Variants in BCL2L14 observed in about 807,000 individuals in gnomAD.
BCL2L14 encodes the protein BCL2 like 14.
Under a neutral mutation model 35.3 loss-of-function variants are expected in BCL2L14, and 27 were observed. The observed-to-expected ratio is 0.76, with a 90% confidence interval of 0.56 to 1.05. The LOEUF is 1.05. Among genes scored for constraint, BCL2L14 ranks in the 50% least tolerant of loss-of-function variants. BCL2L14 has a pLI of 0.00. For missense variants in BCL2L14, 377 were observed against 382.6 expected (o/e 0.99, Z 0.12); for synonymous variants, 139 against 145.9 (o/e 0.95, Z 0.34).
intron 2 of BCL2L14, among the ~76,000 whole-genome samples, chr12:12,061,157 T>C (rs192454976): frequency 1.4e-5 from 2 of 143,840 alleles, no homozygotes; most frequent in Non-Finnish European, 3.0e-5. Flanking sequence ...ACTGAGACAC[T>C]TTAACTAAAT....
upstream of BCL2L14, among the ~76,000 whole-genome samples, chr12:12,069,621 T>C (rs919232176): frequency 6.8e-6 from 1 of 146,670 alleles, no homozygotes; most frequent in Non-Finnish European, 1.5e-5. Flanking sequence ...GGCAGGAGAA[T>C]GGCGTGAACC....
intron 5 of BCL2L14, chr12:12,095,915 G>A: frequency 1.0e-6 from 1 of 985,350 alleles, no homozygotes; most frequent in Non-Finnish European, 1.2e-6. Flanking sequence ...ACCCTAAGTG[G>A]CTGATCTGAA....
At chr12:12,090,964 T>A (rs1052672064) in intron 4 of BCL2L14, 115 bp downstream of exon 4, 1 of 638,822 alleles carries the variant, frequency 1.6e-6, no homozygotes. Flanking sequence ...TGGTTTCTAC[T>A]TAGTCCTAAA....
At chr12:12,063,766 G>A (rs1948560471) in intron 2 of BCL2L14, among the ~76,000 whole-genome samples, 1 of 152,092 alleles carries the variant, frequency 6.6e-6, no homozygotes, top group Admixed American at 6.6e-5. Flanking sequence ...TGCCTTAACT[G>A]ATGACATTCC....
chr12:12,062,110 A>G (rs1449795868), intron 2 of BCL2L14, among the ~76,000 whole-genome samples: 9 of 151,520 alleles, frequency 5.9e-5, no homozygotes, highest in East Asian at 1.9e-4. Flanking sequence ...TACATTTCTC[A>G]TAACTTCCAA....
At chr12:12,055,251 C>T (rs1948414413) in intron 2 of BCL2L14, 1 of 152,170 alleles carries the variant, frequency 6.6e-6, no homozygotes, top group African/African-American at 2.4e-5. Context: ...TTTGTAATTA[C>T]AATTTCATCT....
intron 4 of BCL2L14, among the ~76,000 whole-genome samples, chr12:12,091,741 TAAAGA>T (rs1315806256): frequency 2.0e-5 from 3 of 152,038 alleles, no homozygotes; most frequent in South Asian, 2.1e-4. Context: ...GATATTAGGT[TAAAGA>T]AAAGAGAACG....
intron 2 of BCL2L14, among the ~76,000 whole-genome samples, chr12:12,059,495 G>A (rs558505883): frequency 1.7e-4 from 26 of 150,456 alleles, no homozygotes; most frequent in South Asian, 6.4e-4. Context: ...TCTGCTCCCC[G>A]ATCCCTTATT....
At chr12:12,095,484 C>G (rs889329146) in intron 5 of BCL2L14, 32 of 985,284 alleles carry the variant, frequency 3.2e-5, no homozygotes, top group Non-Finnish European at 3.9e-5. Flanking sequence ...AAACAGACCT[C>G]TTTCCCTTTT....
intron 4 of BCL2L14, 173 bp from the exon 5 acceptor site, chr12:12,094,491 T>C: frequency 6.3e-7 from 1 of 1,595,560 alleles, no homozygotes; most frequent in African/African-American, 1.3e-5. Context: ...GAGCAGTACA[T>C]GCCCATTCTG....
At chr12:12,083,128 C>T (rs1236287616) in intron 2 of BCL2L14, among the ~76,000 whole-genome samples, 1 of 152,152 alleles carries the variant, frequency 6.6e-6, no homozygotes, top group Non-Finnish European at 1.5e-5. Flanking sequence ...CCACGCCCGG[C>T]TAATTTTTTG....
intron 1 of BCL2L14, among the ~76,000 whole-genome samples, chr12:12,074,638 C>T (rs1383043376): frequency 6.6e-6 from 1 of 151,966 alleles, no homozygotes; most frequent in Non-Finnish European, 1.5e-5. Context: ...AAAGTTTCAC[C>T]ATGTTGGCCA....
At chr12:12,092,606 G>C (rs934049565) in intron 4 of BCL2L14, among the ~76,000 whole-genome samples, 3 of 152,212 alleles carry the variant, frequency 2.0e-5, no homozygotes, top group African/African-American at 7.2e-5. Context: ...GGTGCCAGTG[G>C]AAGCCCTGTC....
Position 12,050,025 on chromosome 12 carries a change from A to G in BCL2L14, c.-324+71A>G, listed in dbSNP as rs1948324424. On this transcript the variant is annotated intron_variant, in intron 1 of 3. Transcript: ENST00000461264. ...TCCACTCTTAAGTTTGATATTTCCTAAAATTTAATGTGTGAAGGAAGATGC... is the reference window on the plus strand; with the variant it reads ...TCCACTCTTAAGTTTGATATTTCCTGAAATTTAATGTGTGAAGGAAGATGC... 2.0e-5 allele frequency: 3 copies of G among 152,224 alleles called. No homozygotes were observed. In the South Asian group the frequency reaches 6.2e-4, roughly 32 times the overall value. 9.4% of individuals were successfully genotyped at this position (152,224 alleles called of 1,614,324 possible).
chr12:12,096,284 A>C, intron 5 of BCL2L14: 1 of 580,898 alleles, frequency 1.7e-6, no homozygotes, highest in Non-Finnish European at 2.2e-6. Context: ...TAGCTCTCAA[A>C]AATCTGTTTA....
intron 1 of BCL2L14, among the ~76,000 whole-genome samples, chr12:12,050,987 T>A (rs1948351183): frequency 6.6e-6 from 1 of 152,142 alleles, no homozygotes; most frequent in Non-Finnish European, 1.5e-5. Flanking sequence ...CGATAAGGAT[T>A]GAATAGCACC....
At chr12:12,074,793 A>T (rs1463870635) in intron 1 of BCL2L14, among the ~76,000 whole-genome samples, 4 of 152,156 alleles carry the variant, frequency 2.6e-5, no homozygotes, top group African/African-American at 9.7e-5. Context: ...TTATCTTTTT[A>T]AAAAATGTTT....
At chr12:12,095,156 G>A (rs1282677384) in intron 5 of BCL2L14, 2 of 985,264 alleles carry the variant, frequency 2.0e-6, no homozygotes, top group Non-Finnish European at 2.4e-6. Context: ...CAGGGTATGT[G>A]TGGATGGAAA....
chr12:12,065,059 T>C (rs998386786), intron 2 of BCL2L14, among the ~76,000 whole-genome samples: 1 of 152,198 alleles, frequency 6.6e-6, no homozygotes, highest in Non-Finnish European at 1.5e-5. Context: ...CTCCTAGGTT[T>C]TTTGGCTGGG....
Sources: allele counts gnomAD v4.1 joint callset (sites outside exome capture counted in the v4.1 genomes callset), GRCh38; gene constraint gnomAD v4.1.1; transcripts MANE v1.5; gene names NCBI Gene and HGNC (gene_info 2026-07-23, HGNC 2026-07-21).